Variants in SHANK2 observed in about 807,000 individuals in gnomAD.
SHANK2 encodes SH3 and multiple ankyrin repeat domains protein 2.
A neutral mutation model predicts 133.7 loss-of-function variants in SHANK2; 43 were observed. The ratio of observed to expected loss-of-function variants is 0.32; its 90% CI spans 0.25 to 0.41. The LOEUF (loss-of-function observed/expected upper bound fraction) is 0.41, where lower values mean the gene tolerates loss of function less well. Among genes scored for constraint, SHANK2 ranks in the 10% least tolerant of loss-of-function variants. The pLI, the probability that SHANK2 is intolerant of heterozygous loss-of-function variation, is 1.00. For synonymous variants in SHANK2, 1,017 were observed against 952.8 expected (o/e 1.07, Z -1.24); for missense variants, 1,994 against 2,235.8 (o/e 0.89, Z 2.18).
intron 10 of SHANK2, among the ~76,000 whole-genome samples, chr11:70,913,625 C>T (rs537225546): frequency 2.0e-5 from 3 of 152,280 alleles, no homozygotes; most frequent in African/African-American, 7.2e-5. Flanking sequence ...TTAAAAACCA[C>T]TAAAAATATA....
intron 9 of SHANK2, among the ~76,000 whole-genome samples, chr11:71,060,378 C>T (rs1950973267): frequency 1.3e-5 from 2 of 152,322 alleles, no homozygotes; most frequent in African/African-American, 4.8e-5. Context: ...ATCCCTAGAA[C>T]GGTCTCAGAA....
At chr11:70,659,006 C>T (rs1274407040) in intron 17 of SHANK2, among the ~76,000 whole-genome samples, 1 of 152,200 alleles carries the variant, frequency 6.6e-6, no homozygotes, top group Non-Finnish European at 1.5e-5. Context: ...TCTTTTTCAA[C>T]CTGTAACATT....
At chr11:70,549,963 C>T (rs1360425083) in intron 17 of SHANK2, among the ~76,000 whole-genome samples, 2 of 152,212 alleles carry the variant, frequency 1.3e-5, no homozygotes, top group Admixed American at 6.5e-5. Flanking sequence ...AGGGCTCTGT[C>T]CAGTGCTGGC....
chr11:70,568,465 T>C (rs1198097480), intron 17 of SHANK2, among the ~76,000 whole-genome samples: 2 of 152,158 alleles, frequency 1.3e-5, no homozygotes, highest in African/African-American at 4.8e-5. Context: ...ACTCATTTAA[T>C]GGATTCTTGG....
At chr11:71,131,152 T>C (rs1555103626) in intron 3 of SHANK2, among the ~76,000 whole-genome samples, 3 of 152,124 alleles carry the variant, frequency 2.0e-5, no homozygotes, top group African/African-American at 7.2e-5. Flanking sequence ...AACATCAAGG[T>C]CACCCCAAAC....
At chr11:71,120,141 T>A (rs1277678922) in intron 3 of SHANK2, among the ~76,000 whole-genome samples, 1 of 152,106 alleles carries the variant, frequency 6.6e-6, no homozygotes, top group Non-Finnish European at 1.5e-5. Context: ...TTCAAACATA[T>A]AATAGCACCT....
chr11:71,238,628 G>A (rs1456101358), intron 1 of SHANK2, among the ~76,000 whole-genome samples: 1 of 152,228 alleles, frequency 6.6e-6, no homozygotes, highest in Non-Finnish European at 1.5e-5. Flanking sequence ...CCAGTGCTAT[G>A]CTCCCTCTGT....
intron 17 of SHANK2, among the ~76,000 whole-genome samples, chr11:70,620,075 C>T (rs986119116): frequency 5.3e-5 from 8 of 152,150 alleles, no homozygotes; most frequent in South Asian, 4.1e-4. Context: ...CATAAGGACA[C>T]GGATCCCATC....
At chr11:70,697,830 C>T (rs1945428914) in intron 15 of SHANK2, among the ~76,000 whole-genome samples, 1 of 152,186 alleles carries the variant, frequency 6.6e-6, no homozygotes, top group Non-Finnish European at 1.5e-5. Context: ...GAAGGGGCTC[C>T]TCAGCCAGCA....
chr11:71,246,035 G>A (rs782143248), intron 1 of SHANK2, among the ~76,000 whole-genome samples: 1 of 152,092 alleles, frequency 6.6e-6, no homozygotes. Context: ...ATGCTCTCAG[G>A]GGTACAAATG....
intron 11 of SHANK2, chr11:70,873,060 C>A (rs1555070504): frequency 4.2e-6 from 2 of 471,196 alleles, no homozygotes; most frequent in Non-Finnish European, 8.8e-6. Flanking sequence ...GGTGCCTCTG[C>A]CTCCCGGGTG....
chr11:71,086,989 G>C (rs1053083068), intron 8 of SHANK2, among the ~76,000 whole-genome samples: 2 of 152,324 alleles, frequency 1.3e-5, no homozygotes, highest in African/African-American at 2.4e-5. Context: ...GGCAGTGAAC[G>C]CACCTGGCTG....
chr11:70,733,653 T>C (rs1450610777), intron 14 of SHANK2, among the ~76,000 whole-genome samples: 1 of 152,224 alleles, frequency 6.6e-6, no homozygotes, highest in Non-Finnish European at 1.5e-5. Flanking sequence ...ATATTTACTC[T>C]CTGGCCTTTA....
chr11:70,549,131 A>G (rs2059732854), intron 17 of SHANK2, among the ~76,000 whole-genome samples: 1 of 152,222 alleles, frequency 6.6e-6, no homozygotes, highest in African/African-American at 2.4e-5. Flanking sequence ...TCCCAGGCAC[A>G]GCTGTGCACA....
intron 8 of SHANK2, among the ~76,000 whole-genome samples, chr11:71,091,891 A>C (rs1004594257): frequency 1.3e-5 from 2 of 152,188 alleles, no homozygotes; most frequent in Non-Finnish European, 2.9e-5. Flanking sequence ...TGATCAGGTA[A>C]AGACTTTTCA....
Position 70,500,655 on chromosome 11 carries a change from C to G in SHANK2, c.2288-65G>C. 1 of 1,568,026 alleles carries G rather than the reference C, an allele frequency of 6.4e-7. No homozygotes were observed. On this transcript the variant is annotated intron_variant, in intron 20 of 25. Transcript: ENST00000601538. The surrounding 1 kb of genome is among the most constrained non-coding windows in gnomAD (Gnocchi z 4.5). ...GCAGCGCCCGCCCGCAGCCTACACT[C>G]GGGCCTTGTCAGCTCAGGGCGCCTC...
At chr11:70,940,212 T>TCCC (rs1555084135) in intron 10 of SHANK2, among the ~76,000 whole-genome samples, 1 of 89,292 alleles carries the variant, frequency 1.1e-5, no homozygotes, top group East Asian at 3.2e-4. Flanking sequence ...CCTTCCTCCT[T>TCCC]CCCTTCCTCC....
chr11:70,693,244 T>C (rs1192743458), intron 15 of SHANK2, among the ~76,000 whole-genome samples: 2 of 152,228 alleles, frequency 1.3e-5, no homozygotes, highest in East Asian at 1.9e-4. Flanking sequence ...AGATGATGTC[T>C]CTTCTGCCTA....
chr11:70,546,398 C>G lies in SHANK2; in HGVS notation c.2062-43467G>C, dbSNP rs552074664. Among the ~76,000 whole-genome samples the G allele has an allele frequency of 5.3e-5, 8 of 152,230 alleles. No individual in the cohort carries two copies. The East Asian group carries it at 1.5e-3, about 29-fold the overall frequency. ...CCCTGCCATCCTGAAGCTATCTAGC[C>G]TCCGCCTCCCCTAAGTATCATCTCA... On this transcript the variant is annotated intron_variant, in intron 17 of 25. Transcript: ENST00000601538.
Sources: allele counts gnomAD v4.1 joint callset (sites outside exome capture counted in the v4.1 genomes callset), GRCh38; gene constraint gnomAD v4.1.1; non-coding constraint Gnocchi (gnomAD v3.1); transcripts MANE v1.5; gene names NCBI Gene and HGNC (gene_info 2026-07-23, HGNC 2026-07-21).